Variants in TAS2R1 observed in about 807,000 individuals in gnomAD.
The protein encoded by TAS2R1 is taste 2 receptor member 1, also known as taste receptor type 2 member 1.
For synonymous variants in TAS2R1, 141 were observed against 134.2 expected, an observed-to-expected ratio of 1.05 and a Z score of -0.35; for missense variants, 370 against 353.4, an observed-to-expected ratio of 1.05 and a Z score of -0.38.
the TAS2R1 span, among the ~76,000 whole-genome samples, chr5:9,794,652 T>C: frequency 2.0e-5 from 3 of 152,250 alleles, no homozygotes; most frequent in Non-Finnish European, 4.4e-5. Flanking sequence ...AGTAAACTTT[T>C]CTGAGAAAAT....
the TAS2R1 span, among the ~76,000 whole-genome samples, chr5:9,718,265 A>G: frequency 5.2e-3 from 775 of 149,788 alleles, 7 homozygotes; most frequent in African/African-American, 0.017. Context: ...CACTGCGCCC[A>G]GCCACCATAA....
the TAS2R1 span, among the ~76,000 whole-genome samples, chr5:9,800,020 G>A: frequency 6.6e-6 from 1 of 152,190 alleles, no homozygotes; most frequent in Non-Finnish European, 1.5e-5. Context: ...CTGCCAAGGT[G>A]AGTTCATTTA....
At chr5:9,747,957 A>T in the TAS2R1 span, among the ~76,000 whole-genome samples, 1 of 151,930 alleles carries the variant, frequency 6.6e-6, no homozygotes, top group African/African-American at 2.4e-5. Context: ...GGATTAGGGG[A>T]TGTGTTATGG....
intron 1 of TAS2R1, among the ~76,000 whole-genome samples, chr5:9,692,893 C>T (rs1741276009): frequency 6.6e-6 from 1 of 152,068 alleles, no homozygotes; most frequent in Non-Finnish European, 1.5e-5. Context: ...AATTTATTCA[C>T]CAAGGAAGAT....
At chr5:9,800,106 T>C in the TAS2R1 span, among the ~76,000 whole-genome samples, 2 of 152,200 alleles carry the variant, frequency 1.3e-5, no homozygotes, top group Non-Finnish European at 2.9e-5. Flanking sequence ...ACTCCTAGTA[T>C]AGAACAGAGG....
chr5:9,791,568 G>A, the TAS2R1 span, among the ~76,000 whole-genome samples: 1 of 152,068 alleles, frequency 6.6e-6, no homozygotes, highest in Non-Finnish European at 1.5e-5. Flanking sequence ...GCATCATGGC[G>A]CATACCTGTG....
chr5:9,674,331 A>G (rs1740828168), intron 1 of TAS2R1, among the ~76,000 whole-genome samples: 1 of 152,182 alleles, frequency 6.6e-6, no homozygotes, highest in African/African-American at 2.4e-5. Context: ...AAACAATAGT[A>G]TATCAACCAC....
At chr5:9,668,677 G>C (rs1024583716) in intron 1 of TAS2R1, among the ~76,000 whole-genome samples, 22 of 152,244 alleles carry the variant, frequency 1.4e-4, no homozygotes, top group Middle Eastern at 3.4e-3. Context: ...CATAAGAAAA[G>C]GAGAAATAAG....
At chr5:9,745,059 T>C in the TAS2R1 span, among the ~76,000 whole-genome samples, 1 of 152,110 alleles carries the variant, frequency 6.6e-6, no homozygotes, top group Non-Finnish European at 1.5e-5. Context: ...TGTGGGTACA[T>C]TGAAGAGAAT....
the TAS2R1 span, among the ~76,000 whole-genome samples, chr5:9,782,441 G>A: frequency 6.7e-6 from 1 of 149,570 alleles, no homozygotes; most frequent in Non-Finnish European, 1.5e-5. Flanking sequence ...TCCCCTGGGT[G>A]GGCATCCTGA....
At chr5:9,831,149 G>T in the TAS2R1 span, among the ~76,000 whole-genome samples, 29 of 152,262 alleles carry the variant, frequency 1.9e-4, no homozygotes, top group Non-Finnish European at 4.0e-4. Context: ...GAGTATGCTG[G>T]TGACAGGGGA....
At chr5:9,889,890 G>A in the TAS2R1 span, 1 of 152,262 alleles carries the variant, frequency 6.6e-6, no homozygotes, top group Admixed American at 6.5e-5. Flanking sequence ...CAAGCTGGGA[G>A]AAAGACCAGG....
intron 2 of TAS2R1, among the ~76,000 whole-genome samples, chr5:9,654,944 CTG>C (rs1335857044): frequency 6.6e-6 from 1 of 152,132 alleles, no homozygotes; most frequent in Non-Finnish European, 1.5e-5. Flanking sequence ...CACAAAAAGA[CTG>C]TTATAAAAAT....
intron 1 of TAS2R1, among the ~76,000 whole-genome samples, chr5:9,705,857 C>T (rs886674528): frequency 7.0e-6 from 1 of 143,810 alleles, no homozygotes; most frequent in African/African-American, 2.4e-5. Context: ...AGTGAAACTC[C>T]ATCCCCCCCC....
intron 2 of TAS2R1, among the ~76,000 whole-genome samples, chr5:9,636,763 C>T (rs557051374): frequency 7.2e-5 from 11 of 152,122 alleles, no homozygotes; most frequent in Admixed American, 3.9e-4. Flanking sequence ...TTGCTTTTGG[C>T]GTCCATTTGC....
chr5:9,765,135 T>C, the TAS2R1 span, among the ~76,000 whole-genome samples: 2 of 152,132 alleles, frequency 1.3e-5, no homozygotes, highest in Non-Finnish European at 2.9e-5. Flanking sequence ...TGGTTGTCTC[T>C]AGGAGGCAGA....
the TAS2R1 span, among the ~76,000 whole-genome samples, chr5:9,871,065 G>A: frequency 6.6e-6 from 1 of 152,156 alleles, no homozygotes; most frequent in African/African-American, 2.4e-5. Flanking sequence ...GCCTGTCTCT[G>A]TTAGATCTCA....
chr5:9,866,590 G>C, the TAS2R1 span, among the ~76,000 whole-genome samples: 1 of 152,134 alleles, frequency 6.6e-6, no homozygotes, highest in African/African-American at 2.4e-5. Context: ...GTCTTTCTGA[G>C]GAATGGCATG....
At chr5:9,682,279 T>C (rs1384814312) in intron 1 of TAS2R1, among the ~76,000 whole-genome samples, 3 of 152,228 alleles carry the variant, frequency 2.0e-5, no homozygotes, top group East Asian at 1.9e-4. Context: ...TGGCAGAACA[T>C]GGCTTTGTTG....
Sources: allele counts gnomAD v4.1 joint callset (sites outside exome capture counted in the v4.1 genomes callset), GRCh38; gene constraint gnomAD v4.1.1; transcripts MANE v1.5; gene names NCBI Gene and HGNC (gene_info 2026-07-23, HGNC 2026-07-21).